The following PLCZ1 variants were observed in gnomAD, a reference collection of about 807,000 sequenced individuals.
PLCZ1 encodes the protein phospholipase C zeta 1.
PLCZ1 carries 64 observed loss-of-function variants against 76.8 expected under a neutral mutation model. That is an observed-to-expected ratio of 0.83 (90% CI 0.68 to 1.03). PLCZ1 has a LOEUF of 1.03. Ranked by LOEUF, PLCZ1 falls within the 50% of genes least tolerant of loss-of-function variation. The pLI is 0.00. For missense variants in PLCZ1, 751 were observed against 713.7 expected (o/e 1.05, Z -0.60); for synonymous variants, 248 against 230.8 (o/e 1.07, Z -0.68).
intron 6 of PLCZ1, among the ~76,000 whole-genome samples, chr12:18,706,964 C>T (rs1308544094): frequency 6.6e-6 from 1 of 152,196 alleles, no homozygotes; most frequent in Non-Finnish European, 1.5e-5. Flanking sequence ...ATCCTCCTTG[C>T]CTCTTCCAGG....
At chr12:18,723,257 G>T in intron 4 of PLCZ1, 54 bp downstream of exon 4, 2 of 1,475,346 alleles carry the variant, frequency 1.4e-6, no homozygotes, top group South Asian at 1.2e-5. Context: ...TTTGAAAAAA[G>T]AAAAAATACT....
In PLCZ1 at chr12:18,721,991, T is replaced by A. The variant is rs1377134236; in HGVS notation, c.367+1320A>T. Reference sequence around the variant, plus strand: ...CTGCCAGTCTCTCCAAACTCATCTCTCTCTCATTCTCAAAGTTCTAACCAC... The same window carrying A: ...CTGCCAGTCTCTCCAAACTCATCTCACTCTCATTCTCAAAGTTCTAACCAC... On this transcript the variant is annotated intron_variant, in intron 4 of 14. Coordinates refer to ENST00000266505, the MANE Select transcript of PLCZ1 (RefSeq NM_033123.4). Among the ~76,000 whole-genome samples, 4 of 152,004 alleles carry A rather than the reference T, an allele frequency of 2.6e-5. No homozygotes were observed. The South Asian group carries it at 8.3e-4, about 31-fold the overall frequency.
At chr12:18,678,814 C>G (rs546788429), downstream of PLCZ1, among the ~76,000 whole-genome samples, 158 of 152,048 alleles carry the variant, frequency 1.0e-3, no homozygotes, top group African/African-American at 3.1e-3. Context: ...GTTATGGAAG[C>G]CTTTGTGTGG....
chr12:18,664,800 A>G, the PLCZ1 span, among the ~76,000 whole-genome samples: 1 of 151,730 alleles, frequency 6.6e-6, no homozygotes, highest in East Asian at 1.9e-4. Flanking sequence ...AATGTGGCAC[A>G]TATACACCAT....
chr12:18,645,954 G>C, the PLCZ1 span, among the ~76,000 whole-genome samples: 4 of 152,116 alleles, frequency 2.6e-5, no homozygotes. Flanking sequence ...GAGTTCATCA[G>C]CTGAACATGA....
rs1318412915 is a variant in PLCZ1, at chr12:18,710,845, C to A, written c.714+1997G>T. On this transcript the variant is annotated intron_variant, in intron 6 of 14. Coordinates refer to ENST00000266505, the MANE Select transcript of PLCZ1 (RefSeq NM_033123.4). ...AAAACCACAATGAGATGCAATCTCA[C>A]ACCAGTTAGAATGGCGATCATTAAA... is the stretch of plus-strand genomic sequence containing the variant. Among the ~76,000 whole-genome samples, 4 of 152,278 alleles carry A rather than the reference C, an allele frequency of 2.6e-5. No homozygotes were observed. The South Asian group carries it at 6.2e-4, about 24-fold the overall frequency.
intron 8 of PLCZ1, 21 bp downstream of exon 8, chr12:18,701,671 C>A (rs772474312): frequency 6.2e-7 from 1 of 1,612,702 alleles, no homozygotes; most frequent in East Asian, 2.2e-5. Flanking sequence ...GCCACTTCTT[C>A]TTCCCATTCC....
intron 12 of PLCZ1, chr12:18,692,707 CTT>C (rs1954309220): frequency 2.6e-6 from 2 of 772,172 alleles, no homozygotes; most frequent in Admixed American, 5.0e-5. Flanking sequence ...CAAATACAGA[CTT>C]TGAATCATCA....
At chr12:18,650,738 A>ATATC in the PLCZ1 span, among the ~76,000 whole-genome samples, 4 of 30,830 alleles carry the variant, frequency 1.3e-4, no homozygotes, top group Admixed American at 8.8e-4. Flanking sequence ...ATATATATAT[A>ATATC]TATATATATA....
intron 10 of PLCZ1, among the ~76,000 whole-genome samples, chr12:18,697,994 A>C (rs972362351): frequency 6.6e-6 from 1 of 151,882 alleles, no homozygotes; most frequent in Non-Finnish European, 1.5e-5. Context: ...TTTTGCAAGT[A>C]TTTAATATGA....
chr12:18,650,963 A>C, the PLCZ1 span, among the ~76,000 whole-genome samples: 13 of 151,416 alleles, frequency 8.6e-5, no homozygotes, highest in African/African-American at 3.2e-4. Flanking sequence ...TATTCTCAAC[A>C]CAGCAATGGG....
downstream of PLCZ1, among the ~76,000 whole-genome samples, chr12:18,678,711 T>C (rs1351615750): frequency 6.6e-6 from 1 of 152,084 alleles, no homozygotes; most frequent in East Asian, 1.9e-4. Flanking sequence ...TAAATAGTAT[T>C]GGATATAACA....
chr12:18,674,502 A>T, the PLCZ1 span, among the ~76,000 whole-genome samples: 1 of 152,166 alleles, frequency 6.6e-6, no homozygotes, highest in East Asian at 1.9e-4. Context: ...AAATTGAGCA[A>T]ATACATGAAT....
At chr12:18,707,221 T>C (rs1382820972) in intron 6 of PLCZ1, among the ~76,000 whole-genome samples, 1 of 152,210 alleles carries the variant, frequency 6.6e-6, no homozygotes, top group South Asian at 2.1e-4. Flanking sequence ...GTTCCAGGAA[T>C]TAAAACTTAA....
intron 10 of PLCZ1, among the ~76,000 whole-genome samples, chr12:18,698,931 TA>T (rs959120009): frequency 1.3e-5 from 2 of 152,046 alleles, no homozygotes; most frequent in Non-Finnish European, 2.9e-5. Context: ...CCCCTGCTAC[TA>T]AAAAAAACTG....
chr12:18,728,269 T>C (rs985396686), intron 3 of PLCZ1, among the ~76,000 whole-genome samples: 2 of 152,170 alleles, frequency 1.3e-5, no homozygotes, highest in African/African-American at 4.8e-5. Context: ...AGAAATTATA[T>C]CAACATTCTT....
chr12:18,690,161 A>T (rs890826839), intron 12 of PLCZ1, among the ~76,000 whole-genome samples: 1 of 152,196 alleles, frequency 6.6e-6, no homozygotes, highest in Non-Finnish European at 1.5e-5. Flanking sequence ...TATATTGGGC[A>T]TATACTTTGT....
At chr12:18,680,782 A>C (rs981684384), downstream of PLCZ1, among the ~76,000 whole-genome samples, 1 of 152,046 alleles carries the variant, frequency 6.6e-6, no homozygotes, top group African/African-American at 2.4e-5. Flanking sequence ...GAAAGGACTC[A>C]CTATTGGATT....
At chr12:18,653,909 A>G in the PLCZ1 span, among the ~76,000 whole-genome samples, 2 of 152,140 alleles carry the variant, frequency 1.3e-5, no homozygotes, top group Non-Finnish European at 2.9e-5. Flanking sequence ...AAATTCAGAA[A>G]GCAATTTAAA....
Sources: gnomAD v4.1 joint callset for allele counts (sites outside exome capture counted in the v4.1 genomes callset) on GRCh38, gnomAD v4.1.1 for gene constraint, MANE v1.5 for transcripts, NCBI Gene and HGNC (gene_info 2026-07-23, HGNC 2026-07-21) for gene names.